DOCK10: variants seen among roughly 807,000 people sequenced by gnomAD.
The protein encoded by DOCK10 is dedicator of cytokinesis protein 10.
A neutral mutation model predicts 280.1 loss-of-function variants in DOCK10; 145 were observed. That is an observed-to-expected ratio of 0.52 (90% CI 0.45 to 0.59). DOCK10 has a LOEUF of 0.59. DOCK10 is among the 20% of genes least tolerant of loss of function. DOCK10 has a pLI of 0.00. For missense variants in DOCK10, 2,368 were observed against 2,651.7 expected (o/e 0.89, Z 2.35); for synonymous variants, 915 against 942.2 (o/e 0.97, Z 0.53).
intron 1 of DOCK10, among the ~76,000 whole-genome samples, chr2:224,994,734 C>T (rs544635203): frequency 2.0e-5 from 3 of 152,304 alleles, no homozygotes; most frequent in Admixed American, 2.0e-4. Context: ...CTTCTACTCA[C>T]TTTATGTAGC....
chr2:224,921,850 A>G, intron 2 of DOCK10, among the ~76,000 whole-genome samples: 1 of 152,134 alleles, frequency 6.6e-6, no homozygotes, highest in Non-Finnish European at 1.5e-5. Flanking sequence ...CTATAATCCC[A>G]GCGCTTTGGG....
chr2:224,780,237 T>C (rs1691221747), intron 50 of DOCK10, among the ~76,000 whole-genome samples: 1 of 152,216 alleles, frequency 6.6e-6, no homozygotes, highest in Non-Finnish European at 1.5e-5. Flanking sequence ...CTGTAGACTT[T>C]GTAGGGGTAG....
At chr2:224,777,473 T>A (rs1241128159) in intron 51 of DOCK10, among the ~76,000 whole-genome samples, 1 of 152,200 alleles carries the variant, frequency 6.6e-6, no homozygotes, top group Non-Finnish European at 1.5e-5. Flanking sequence ...CTGGCCTCCA[T>A]CTTTCTCCTG....
chr2:224,918,805 TGTGTG>T (rs1474604657), intron 2 of DOCK10, among the ~76,000 whole-genome samples: 24 of 151,064 alleles, frequency 1.6e-4, no homozygotes, highest in Middle Eastern at 3.4e-3. Flanking sequence ...TGGTAGTGTA[TGTGTG>T]GTGTGAGTGT....
intron 14 of DOCK10, among the ~76,000 whole-genome samples, chr2:224,857,623 CATAA>C (rs1196459178): frequency 6.6e-6 from 1 of 152,134 alleles, no homozygotes; most frequent in Non-Finnish European, 1.5e-5. Context: ...AGTTGAAACA[CATAA>C]ATAGCTTTTG....
chr2:224,911,097 T>C (rs1253409690), intron 3 of DOCK10, among the ~76,000 whole-genome samples: 1 of 152,108 alleles, frequency 6.6e-6, no homozygotes, highest in African/African-American at 2.4e-5. Flanking sequence ...GTTTAGCATA[T>C]ATTTGGGATC....
rs1697754294 is a variant in DOCK10, at chr2:224,864,672, C to T, written c.1483G>A (p.Val495Ile). 6.2e-7 allele frequency: 1 copy of T among 1,610,042 alleles called. No individual in the cohort carries two copies. The highest frequency in any genetic ancestry group is 8.5e-7 in the Non-Finnish European group (1 of 1,178,896). Residue 495 changes from valine (V) to isoleucine (I), a missense_variant, in exon 13 of 56, where the codon GTA (valine) becomes ATA (isoleucine). By Grantham distance (29) the Val-to-Ile change is conservative. This residue lies in a region of DOCK10 where 1,209 missense variants were observed against 1,250.9 expected (regional missense o/e 0.97). Coordinates refer to ENST00000258390, the MANE Select transcript of DOCK10 (RefSeq NM_014689.3). The stretch of plus-strand genomic sequence containing the variant: ...GAATGTGGATTGCTTACAGAAAATA[C>T]AGCCTGTGTACAAAGAAAGCAGCTA... ...EEWLKFPKQAVFSVSNPHSEI... is the reference protein window; with the variant it reads ...EEWLKFPKQAIFSVSNPHSEI...
chr2:224,851,345 C>G (rs1696719174), intron 18 of DOCK10, among the ~76,000 whole-genome samples: 1 of 151,694 alleles, frequency 6.6e-6, no homozygotes, highest in African/African-American at 2.4e-5. Context: ...ATCATTGCCT[C>G]TGTTTGCCTG....
intron 3 of DOCK10, among the ~76,000 whole-genome samples, chr2:224,916,463 C>T (rs1320011491): frequency 4.6e-5 from 7 of 150,830 alleles, no homozygotes; most frequent in Admixed American, 1.3e-4. Flanking sequence ...ATTGCTTGAA[C>T]CTGGGAGGCG....
At position 225,018,606 on chromosome 2, in the gene DOCK10, A is replaced by T. The variant is rs1319027958; in HGVS notation, c.123+23646T>A. 2.9e-4 allele frequency among the ~76,000 whole-genome samples: 8 copies of T among 27,428 alleles called. 2 individuals are homozygous for T. The highest frequency in any genetic ancestry group is 5.5e-4 in the African/African-American group (3 of 5,448). 18.0% of individuals were successfully genotyped at this position (27,428 alleles called of 152,430 possible). On this transcript the variant is annotated intron_variant, in intron 1 of 55. Transcript: ENST00000258390. ...TATATATGTAATATTATATATATATAATATATATGTAATATTATATATATA... is the reference window on the plus strand; with the variant it reads ...TATATATGTAATATTATATATATATTATATATATGTAATATTATATATATA...
At chr2:224,984,511 TTCTC>T (rs961451300) in intron 1 of DOCK10, among the ~76,000 whole-genome samples, 37 of 152,188 alleles carry the variant, frequency 2.4e-4, no homozygotes, top group African/African-American at 8.0e-4. Context: ...GCTCTGAATA[TTCTC>T]TCTCTCATTC....
chr2:224,812,835 G>A (rs2125268428), intron 31 of DOCK10, among the ~76,000 whole-genome samples: 1 of 152,312 alleles, frequency 6.6e-6, no homozygotes, highest in South Asian at 2.1e-4. Flanking sequence ...CAGGGATGAA[G>A]CCCACTTGAT....
intron 1 of DOCK10, among the ~76,000 whole-genome samples, chr2:224,957,285 G>GCA (rs1553622525): frequency 1.7e-5 from 2 of 118,614 alleles, no homozygotes; most frequent in South Asian, 5.3e-4. Context: ...TTTACTTTCC[G>GCA]CCCCCCCCCG....
chr2:224,823,490 T>C lies in DOCK10; in HGVS notation c.3183+11A>G, dbSNP rs1694642833. The stretch of plus-strand genomic sequence containing the variant: ...GGCCTTGAATAGAACTGCGATCTCA[T>C]ATAACTGTACCTTGAGAAATCTGGC... On this transcript the variant is annotated intron_variant, in intron 28 of 55. Coordinates refer to ENST00000258390, the MANE Select transcript of DOCK10 (RefSeq NM_014689.3). The C allele has an allele frequency of 1.9e-6, 3 of 1,584,350 alleles. No individual in the cohort carries two copies. Among genetic ancestry groups the C allele is most frequent in the Non-Finnish European group, 1.7e-6 (2 of 1,170,468 alleles).
chr2:224,862,409 A>C (rs1697566755), intron 14 of DOCK10: 1 of 334,714 alleles, frequency 3.0e-6, no homozygotes. Flanking sequence ...GATATCTACC[A>C]AGAACCCATA....
chr2:224,858,903 G>A (rs983390543), intron 14 of DOCK10, among the ~76,000 whole-genome samples: 15 of 152,122 alleles, frequency 9.9e-5, no homozygotes, highest in African/African-American at 3.4e-4. Context: ...AAGAACCTTA[G>A]GTGTCCCCGA....
At chr2:224,893,065 G>A (rs1377444642) in intron 4 of DOCK10, among the ~76,000 whole-genome samples, 1 of 152,192 alleles carries the variant, frequency 6.6e-6, no homozygotes, top group Non-Finnish European at 1.5e-5. Context: ...TCCGACATTG[G>A]TGATAACTAT....
At chr2:224,900,787 T>C (rs1700254407) in intron 3 of DOCK10, among the ~76,000 whole-genome samples, 1 of 152,204 alleles carries the variant, frequency 6.6e-6, no homozygotes, top group Non-Finnish European at 1.5e-5. Context: ...ACAACATCAG[T>C]TTTCTCAGCA....
At chr2:224,896,574 G>A (rs1033920488) in intron 3 of DOCK10, among the ~76,000 whole-genome samples, 197 bp from the exon 4 acceptor site, 6 of 151,954 alleles carry the variant, frequency 3.9e-5, no homozygotes, top group Non-Finnish European at 5.9e-5. Context: ...AAAATTAGCC[G>A]GGCCTGGTGG....
Sources: allele counts gnomAD v4.1 joint callset (sites outside exome capture counted in the v4.1 genomes callset), GRCh38; gene constraint gnomAD v4.1.1; regional missense constraint gnomAD v4.1.1; transcripts MANE v1.5; gene names NCBI Gene and HGNC (gene_info 2026-07-23, HGNC 2026-07-21).